Variants in PTPN12 observed in about 807,000 individuals in gnomAD.
The protein encoded by PTPN12 is protein tyrosine phosphatase non-receptor type 12, also known as tyrosine-protein phosphatase non-receptor type 12.
Under a neutral mutation model 97.6 loss-of-function variants are expected in PTPN12, and 29 were observed. The ratio of observed to expected loss-of-function variants is 0.30; its 90% CI spans 0.22 to 0.41. The LOEUF (loss-of-function observed/expected upper bound fraction) is 0.41, where lower values mean the gene tolerates loss of function less well. Ranked by LOEUF, PTPN12 falls within the 10% of genes least tolerant of loss-of-function variation. The pLI is 1.00. For synonymous variants in PTPN12, 327 were observed against 300.4 expected, an observed-to-expected ratio of 1.09 and a Z score of -0.91; for missense variants, 819 against 926.0, an observed-to-expected ratio of 0.88 and a Z score of 1.50.
chr7:77,548,946 C>T (rs956957988), intron 1 of PTPN12, among the ~76,000 whole-genome samples: 1 of 152,160 alleles, frequency 6.6e-6, no homozygotes, highest in African/African-American at 2.4e-5. Context: ...TTTACTATTA[C>T]CTCTCTCTGC....
At chr7:77,573,769 CTTTGTT>C (rs1385391836) in intron 2 of PTPN12, among the ~76,000 whole-genome samples, 3 of 152,118 alleles carry the variant, frequency 2.0e-5, no homozygotes, top group East Asian at 1.9e-4. Context: ...TCATTTTCTT[CTTTGTT>C]TTTGAAACGG....
At chr7:77,589,810 T>C (rs1188916623) in intron 5 of PTPN12, among the ~76,000 whole-genome samples, 1 of 152,214 alleles carries the variant, frequency 6.6e-6, no homozygotes, top group African/African-American at 2.4e-5. Flanking sequence ...ATTCTCCTAA[T>C]GTTTTAAGTT....
At chr7:77,613,619 C>G (rs60850449) in intron 11 of PTPN12, among the ~76,000 whole-genome samples, 5 of 151,914 alleles carry the variant, frequency 3.3e-5, no homozygotes, top group Non-Finnish European at 5.9e-5. Flanking sequence ...TTTGGGAGGC[C>G]GAAGCAGGCA....
At chr7:77,602,134 G>T (rs988727160) in intron 8 of PTPN12, among the ~76,000 whole-genome samples, 2 of 151,202 alleles carry the variant, frequency 1.3e-5, no homozygotes, top group Non-Finnish European at 2.9e-5. Flanking sequence ...GACTTTGGGG[G>T]AATGAACATG....
intron 8 of PTPN12, among the ~76,000 whole-genome samples, chr7:77,605,919 C>T (rs528880958): frequency 6.8e-6 from 1 of 147,462 alleles, no homozygotes; most frequent in South Asian, 2.1e-4. Context: ...GTACCATTTC[C>T]TCCTGTACTC....
chr7:77,607,009 A>C (rs1031675160), intron 8 of PTPN12: 7 of 300,276 alleles, frequency 2.3e-5, no homozygotes, highest in Non-Finnish European at 4.3e-5. Context: ...AAACTTTATC[A>C]TAGGTATGTA....
intron 1 of PTPN12, among the ~76,000 whole-genome samples, chr7:77,544,876 C>A (rs1807141227): frequency 6.6e-6 from 1 of 152,208 alleles, no homozygotes; most frequent in Non-Finnish European, 1.5e-5. Context: ...GTGAATTCTT[C>A]AGTGGTCCAA....
chr7:77,630,668 A>G (rs2151401621), intron 13 of PTPN12, among the ~76,000 whole-genome samples: 1 of 152,336 alleles, frequency 6.6e-6, no homozygotes, highest in South Asian at 2.1e-4. Context: ...ATAATGGAAT[A>G]CTTTTGTATT....
Position 77,613,260 on chromosome 7 carries a change from T to C in PTPN12, c.939+2214T>C, listed in dbSNP as rs1238038312. 2.1e-5 allele frequency among the ~76,000 whole-genome samples: 3 copies of C among 140,518 alleles called. No homozygotes were observed. The East Asian group carries it at 7.0e-4, about 33-fold the overall frequency. 92.2% of individuals were successfully genotyped at this position (140,518 alleles called of 152,430 possible). A position where few individuals can be genotyped will look rare whatever the true frequency, so the allele number is the denominator to read the frequency against. On this transcript the variant is annotated intron_variant, in intron 11 of 17. Coordinates refer to ENST00000248594, the MANE Select transcript of PTPN12 (RefSeq NM_002835.4). Reference sequence around the variant, plus strand: ...CACAGTCTCGGCTCACTGCAACCTCTGCCTCCCGGGTTCATGTGATTTTCC... The same window carrying C: ...CACAGTCTCGGCTCACTGCAACCTCCGCCTCCCGGGTTCATGTGATTTTCC...
intron 13 of PTPN12, among the ~76,000 whole-genome samples, chr7:77,629,441 A>G (rs557102696): frequency 6.6e-6 from 1 of 152,316 alleles, no homozygotes; most frequent in African/African-American, 2.4e-5. Flanking sequence ...AGCTGTAACT[A>G]TATAAGAAAA....
At chr7:77,634,042 A>G (rs1294942371) in intron 14 of PTPN12, among the ~76,000 whole-genome samples, 2 of 151,952 alleles carry the variant, frequency 1.3e-5, no homozygotes, top group Non-Finnish European at 2.9e-5. Context: ...TAATAATAAC[A>G]ACAAAAAATT....
intron 1 of PTPN12, among the ~76,000 whole-genome samples, chr7:77,547,245 T>G (rs1358590089): frequency 6.6e-6 from 1 of 152,146 alleles, no homozygotes; most frequent in Non-Finnish European, 1.5e-5. Context: ...AGGTACTGTG[T>G]TTTTGAATTG....
intron 7 of PTPN12, among the ~76,000 whole-genome samples, 175 bp downstream of exon 7, chr7:77,598,076 A>G (rs887523409): frequency 6.6e-5 from 10 of 152,158 alleles, no homozygotes. Context: ...AAAAGAAAAA[A>G]GTTAGCCGGG....
At chr7:77,636,341 G>A (rs117256971) in intron 15 of PTPN12, among the ~76,000 whole-genome samples, 2,785 of 152,056 alleles carry the variant, frequency 0.018, 34 homozygotes, top group Middle Eastern at 0.072. Flanking sequence ...ACAGCACTTT[G>A]GGAGGCCAAG....
At position 77,549,582 on chromosome 7, in the gene PTPN12, GT is replaced by G. The variant is rs561689618; in HGVS notation, c.99+11951del. On this transcript the variant is annotated intron_variant, in intron 1 of 17. Coordinates refer to ENST00000248594, the MANE Select transcript of PTPN12 (RefSeq NM_002835.4). ...TTAAAGTTTGGGTTTTTGTTTGTTT[GT>G]TTTTTTTTTTTTTAAGAGATAGGGT... 2.5e-3 allele frequency among the ~76,000 whole-genome samples: 346 copies of G among 138,404 alleles called. 1 individual carries two copies. The highest frequency in any genetic ancestry group is 3.6e-3 in the African/African-American group (140 of 38,398). 90.8% of individuals were successfully genotyped at this position (138,404 alleles called of 152,430 possible).
intron 1 of PTPN12, chr7:77,538,004 C>A (rs1485673117): frequency 6.8e-6 from 7 of 1,030,322 alleles, no homozygotes; most frequent in Non-Finnish European, 8.2e-6. Flanking sequence ...CGTTTCCACA[C>A]CTCCCCGCGC....
In PTPN12 at chr7:77,635,826, C is replaced by T; in HGVS notation, c.2119C>T (p.Arg707Ter). 6.2e-7 allele frequency: 1 copy of T among 1,604,984 alleles called. No individual in the cohort carries two copies. The highest frequency in any genetic ancestry group is 8.5e-7 in the Non-Finnish European group (1 of 1,175,960). Residue 707 changes from arginine (R) to a stop codon, truncating the protein, a stop_gained, in exon 15 of 18, where the codon CGA (arginine) becomes TGA (stop). Transcript: ENST00000248594. LOFTEE classifies it high-confidence loss of function. ...SEWSELQSQE[R>*]SEQKKSEGLI... is the part of the protein sequence containing the mutation. ...ATGGAGTGAACTTCAAAGTCAGGAACGATCTGAACAAAAAAAGTCTGAAGT... is the reference window on the plus strand; with the variant it reads ...ATGGAGTGAACTTCAAAGTCAGGAATGATCTGAACAAAAAAAGTCTGAAGT...
chr7:77,573,081 T>G (rs1381950669), intron 2 of PTPN12, among the ~76,000 whole-genome samples: 2 of 49,372 alleles, frequency 4.1e-5, no homozygotes, highest in Non-Finnish European at 6.0e-5. Context: ...AGACTCTATC[T>G]CAAAAAAAAA....
intron 1 of PTPN12, among the ~76,000 whole-genome samples, chr7:77,558,692 G>A (rs982939515): frequency 2.6e-5 from 4 of 152,166 alleles, no homozygotes; most frequent in African/African-American, 9.7e-5. Flanking sequence ...ATTATCCCCT[G>A]ATAAGAGTGG....
Sources: allele counts gnomAD v4.1 joint callset (sites outside exome capture counted in the v4.1 genomes callset), GRCh38; gene constraint gnomAD v4.1.1; transcripts MANE v1.5; gene names NCBI Gene and HGNC (gene_info 2026-07-23, HGNC 2026-07-21).